The following MGAT4C variants were observed in gnomAD, a reference collection of about 807,000 sequenced individuals.
The protein encoded by MGAT4C is MGAT4 family member C.
Under a neutral mutation model 40.1 loss-of-function variants are expected in MGAT4C, and 19 were observed. The observed-to-expected ratio is 0.47, with a 90% CI of 0.33 to 0.70. The LOEUF is 0.70. Ranked by LOEUF, MGAT4C falls within the 30% of genes least tolerant of loss-of-function variation. The pLI is 0.02. For missense variants in MGAT4C, 491 were observed against 563.2 expected (o/e 0.87, Z 1.30); for synonymous variants, 181 against 187.1 (o/e 0.97, Z 0.27).
At chr12:86,154,623 G>A (rs1316019168) in intron 1 of MGAT4C, among the ~76,000 whole-genome samples, 2 of 152,130 alleles carry the variant, frequency 1.3e-5, no homozygotes, top group Admixed American at 1.3e-4. Context: ...CTGCCCAACG[G>A]AAATGGACCT....
chr12:86,062,492 C>T (rs1894093006), intron 1 of MGAT4C, among the ~76,000 whole-genome samples: 2 of 151,994 alleles, frequency 1.3e-5, no homozygotes, highest in Admixed American at 1.3e-4. Context: ...CACAGCTCCT[C>T]ACCAGCAAGG....
At chr12:86,726,032 C>A (rs1441684444) in intron 2 of MGAT4C, among the ~76,000 whole-genome samples, 2 of 152,120 alleles carry the variant, frequency 1.3e-5, no homozygotes, top group Non-Finnish European at 2.9e-5. Context: ...AAAAGAATGT[C>A]CAGTGTCTAA....
chr12:86,232,243 A>G (rs1249294372), intron 1 of MGAT4C, among the ~76,000 whole-genome samples: 1 of 152,180 alleles, frequency 6.6e-6, no homozygotes, highest in Non-Finnish European at 1.5e-5. Context: ...TGTATGGAAA[A>G]ATTTTAAAGT....
chr12:86,351,251 C>T (rs1001945631), intron 3 of MGAT4C, among the ~76,000 whole-genome samples: 1 of 151,878 alleles, frequency 6.6e-6, no homozygotes, highest in African/African-American at 2.4e-5. Flanking sequence ...TATTATAAGA[C>T]ATTTTGTTTA....
intron 2 of MGAT4C, among the ~76,000 whole-genome samples, chr12:86,511,203 A>T (rs1002024071): frequency 2.0e-5 from 3 of 152,014 alleles, no homozygotes; most frequent in Non-Finnish European, 4.4e-5. Context: ...AAAACCGCTC[A>T]ACTACATGGA....
At chr12:86,803,729 C>A (rs1486779389) in intron 1 of MGAT4C, among the ~76,000 whole-genome samples, 1 of 150,372 alleles carries the variant, frequency 6.7e-6, no homozygotes, top group Non-Finnish European at 1.5e-5. Flanking sequence ...CCATCTCACA[C>A]CAGTTAGAAT....
intron 1 of MGAT4C, among the ~76,000 whole-genome samples, chr12:86,102,883 T>A (rs2135601638): frequency 6.6e-6 from 1 of 152,170 alleles, no homozygotes; most frequent in African/African-American, 2.4e-5. Flanking sequence ...TAATTCTTAT[T>A]TTTTTTGCAA....
At chr12:86,596,639 C>T (rs1961547982) in intron 2 of MGAT4C, among the ~76,000 whole-genome samples, 1 of 152,080 alleles carries the variant, frequency 6.6e-6, no homozygotes, top group Non-Finnish European at 1.5e-5. Context: ...CCCTTTTGTC[C>T]TAGAATGTTT....
Position 86,297,197 on chromosome 12 carries a change from G to A in MGAT4C, c.-57+36868C>T, listed in dbSNP as rs183798802. Among the ~76,000 whole-genome samples, 1,035 of 152,158 alleles carry A rather than the reference G, an allele frequency of 6.8e-3. 12 individuals carry two copies. Among genetic ancestry groups the A allele is most frequent in the Non-Finnish European group, 0.012 (784 of 67,980 alleles). On this transcript the variant is annotated intron_variant, in intron 4 of 7. Coordinates refer to the MGAT4C transcript ENST00000548651. ...CATTGACAAGGTGACTTAGGCTTTC[G>A]AATCCTACAAAAAGCTCTGAATATT...
In MGAT4C at chr12:86,092,849, A is replaced by G. The variant is rs146371118; in HGVS notation, c.-56-43126T>C. ...CTCATCATTTAAAGCCATCCCTCCAATCACCCTCTTTTTTTTATTATTATA... is the reference window on the plus strand; with the variant it reads ...CTCATCATTTAAAGCCATCCCTCCAGTCACCCTCTTTTTTTTATTATTATA... On this transcript the variant is annotated intron_variant, in intron 1 of 4. Transcript: ENST00000611864. Among the ~76,000 whole-genome samples the G allele has an allele frequency of 3.8e-3, 577 of 152,030 alleles. 2 individuals are homozygous for G. The highest frequency in any genetic ancestry group is 0.014 in the African/African-American group (563 of 41,480).
intron 2 of MGAT4C, among the ~76,000 whole-genome samples, chr12:86,688,720 A>T (rs2081818): frequency 0.78 from 118,928 of 152,174 alleles, 47,721 homozygotes; most frequent in Middle Eastern, 0.88. Flanking sequence ...ATCTGCTGTT[A>T]TTCTAATGGG....
At chr12:86,003,812 GA>G (rs1738370102) in intron 2 of MGAT4C, among the ~76,000 whole-genome samples, 1 of 140,020 alleles carries the variant, frequency 7.1e-6, no homozygotes, top group Non-Finnish European at 1.7e-5. Context: ...TGCAAAACTA[GA>G]TTTTTTTTTC....
At chr12:86,332,860 A>AT (rs145655428) in intron 4 of MGAT4C, among the ~76,000 whole-genome samples, 2,209 of 152,092 alleles carry the variant, frequency 0.015, 64 homozygotes, top group African/African-American at 0.049. Context: ...GTTGATTAAC[A>AT]TTTTTTTTGT....
At chr12:86,095,007 A>C (rs1003131349) in intron 1 of MGAT4C, among the ~76,000 whole-genome samples, 1 of 152,128 alleles carries the variant, frequency 6.6e-6, no homozygotes, top group African/African-American at 2.4e-5. Flanking sequence ...CCCAATATCC[A>C]TTCTCCCCTT....
chr12:86,690,466 G>A (rs1950153793), intron 2 of MGAT4C, among the ~76,000 whole-genome samples: 2 of 152,142 alleles, frequency 1.3e-5, no homozygotes, highest in African/African-American at 4.8e-5. Flanking sequence ...GAATCTCCTG[G>A]TCTGCTGGTG....
chr12:86,528,067 T>C (rs1034647403), intron 2 of MGAT4C, among the ~76,000 whole-genome samples: 2 of 152,164 alleles, frequency 1.3e-5, no homozygotes, highest in South Asian at 2.1e-4. Flanking sequence ...TTATAGTTCA[T>C]TAAAGCTGAT....
At chr12:85,984,259 G>T in intron 3 of MGAT4C, among the ~76,000 whole-genome samples, 1 of 152,198 alleles carries the variant, frequency 6.6e-6, no homozygotes, top group South Asian at 2.1e-4. Context: ...CCAGTTATGG[G>T]TGCTATGGCA....
intron 3 of MGAT4C, among the ~76,000 whole-genome samples, chr12:85,988,759 A>G (rs1885548313): frequency 6.6e-6 from 1 of 151,980 alleles, no homozygotes; most frequent in African/African-American, 2.4e-5. Flanking sequence ...GCATATTGTC[A>G]TATTTTCCCT....
chr12:85,995,744 TGTA>T (rs1886547999), intron 2 of MGAT4C, among the ~76,000 whole-genome samples: 1 of 152,140 alleles, frequency 6.6e-6, no homozygotes, highest in South Asian at 2.1e-4. Context: ...GGTATACATC[TGTA>T]GTCCCAGCTA....
Sources: gnomAD v4.1 joint callset for allele counts (sites outside exome capture counted in the v4.1 genomes callset) on GRCh38, gnomAD v4.1.1 for gene constraint, MANE v1.5 for transcripts, NCBI Gene and HGNC (gene_info 2026-07-23, HGNC 2026-07-21) for gene names.